The following INSRR variants were observed in gnomAD, a reference collection of about 807,000 sequenced individuals.
INSRR encodes insulin receptor related receptor, also known as insulin receptor-related protein.
Under a neutral mutation model 130.0 loss-of-function variants are expected in INSRR, and 114 were observed. The observed-to-expected ratio is 0.88, with a 90% CI of 0.75 to 1.02. The LOEUF (loss-of-function observed/expected upper bound fraction) is 1.02. INSRR is among the 50% of genes least tolerant of loss of function. The pLI, the probability that INSRR is intolerant of heterozygous loss-of-function variation, is 0.00. For missense variants in INSRR, 1,657 were observed against 1,735.2 expected, an observed-to-expected ratio of 0.95 and a Z score of 0.80; for synonymous variants, 674 against 705.2, an observed-to-expected ratio of 0.96 and a Z score of 0.70.
rs1231811630 is a variant in INSRR, at chr1:156,842,208, C to T, written c.3301G>A (p.Asp1101Asn). 2.5e-6 allele frequency: 4 copies of T among 1,614,102 alleles called. No homozygotes were observed. The highest frequency in any genetic ancestry group is 1.1e-5 in the South Asian group (1 of 91,064). ...EMIQMAGEIA[D>N]GMAYLAANKF... is the part of the protein sequence containing the mutation. ...TTGGCAGCAAGGTAGGCCATGCCGT[C>T]TGCAATCTCACCAGCCATTTGGATC... The change falls in exon 19 of 22, where the codon GAC becomes AAC. Residue 1101 changes from aspartate (D) to asparagine (N), a missense_variant. Coordinates refer to ENST00000368195, the MANE Select transcript of INSRR (RefSeq NM_014215.3).
chr1:156,844,139 G>A, intron 15 of INSRR, 36 bp downstream of exon 15: 2 of 1,489,002 alleles, frequency 1.3e-6, no homozygotes, highest in Non-Finnish European at 1.9e-6. Flanking sequence ...GGCTCAGGGA[G>A]AAAAGGGGGT....
Position 156,849,326 on chromosome 1 carries a change from C to A in INSRR, c.1364G>T (p.Arg455Leu). 1 of 1,613,876 alleles carries A rather than the reference C, an allele frequency of 6.2e-7. No individual in the cohort carries two copies. The highest frequency in any genetic ancestry group is 8.5e-7 in the Non-Finnish European group (1 of 1,180,006). ...NPRLCLEHIY[R>L]LEEVTGTRGR... ...TCGCGTGCCTGTCACCTCCTCCAGTCGGTAGATGTGTTCCAAGCAGAGGCG... is the reference window on the plus strand; with the variant it reads ...TCGCGTGCCTGTCACCTCCTCCAGTAGGTAGATGTGTTCCAAGCAGAGGCG... Residue 455 changes from arginine (R) to leucine (L), a missense_variant, in exon 6 of 22, where the codon CGA becomes CTA. Coordinates refer to ENST00000368195, the MANE Select transcript of INSRR (RefSeq NM_014215.3).
rs200179263 is a variant in INSRR at position 156,848,987 on chromosome 1, C to T, written c.1505G>A (p.Arg502His). ...NVTEADRILL[R>H]WERYEPLEAR... ...CTCCAGTGGCTCATAGCGCTCCCAG[C>T]GTAGCAGGATGCGGTCTGCCTCCGT... Residue 502 changes from arginine to histidine, a missense_variant, in exon 7 of 22, where the codon CGC becomes CAC. By Grantham distance (29) the Arg-to-His change is conservative. Coordinates refer to ENST00000368195, the MANE Select transcript of INSRR (RefSeq NM_014215.3). 5 of 1,611,594 alleles carry T rather than the reference C, an allele frequency of 3.1e-6. No individual in the cohort carries two copies. The East Asian group carries it at 1.1e-4, about 36-fold the overall frequency.
At position 156,851,986 on chromosome 1, in the gene INSRR, G is replaced by A. The variant is rs1273495339; in HGVS notation, c.843C>T (p.Ala281=). 6.2e-7 allele frequency: 1 copy of A among 1,610,968 alleles called. No individual in the cohort carries two copies. The highest frequency in any genetic ancestry group is 8.5e-7 in the Non-Finnish European group (1 of 1,177,850). ...SWRCVTAERC[A]SLHSVPGRAS... Reference sequence around the variant, plus strand: ...CACGGCCGGGCACAGAGTGCAGGCTGGCACAGCGCTCAGCTGTGACACAGC... The same window carrying A: ...CACGGCCGGGCACAGAGTGCAGGCTAGCACAGCGCTCAGCTGTGACACAGC... Residue 281 remains alanine, a synonymous_variant, in exon 3 of 22, where the codon GCC becomes GCT. Coordinates refer to ENST00000368195, the MANE Select transcript of INSRR (RefSeq NM_014215.3).
Position 156,842,523 on chromosome 1 carries a change from G to C in INSRR, c.3127-15C>G. 1 of 1,600,338 alleles carries C rather than the reference G, an allele frequency of 6.2e-7. No homozygotes were observed. The highest frequency in any genetic ancestry group is 8.6e-7 in the Non-Finnish European group (1 of 1,167,582). On this transcript the variant is annotated splice_polypyrimidine_tract_variant and intron_variant, in intron 17 of 21. Coordinates refer to ENST00000368195, the MANE Select transcript of INSRR (RefSeq NM_014215.3). ...AGGAGACGCACCTGGGACAGACAAAGGGCCTAGCAGACCCCCTAGTTCCCC... is the reference window on the plus strand; with the variant it reads ...AGGAGACGCACCTGGGACAGACAAACGGCCTAGCAGACCCCCTAGTTCCCC...
intron 10 of INSRR, 31 bp from the exon 11 acceptor site, chr1:156,845,444 C>T: frequency 6.5e-7 from 1 of 1,530,694 alleles, no homozygotes; most frequent in Non-Finnish European, 8.8e-7. Flanking sequence ...CCTATCAGGC[C>T]TGTCCGGATG....
chr1:156,858,952 G>C lies in INSRR; in HGVS notation c.-331C>G. On this transcript the variant is annotated 5_prime_UTR_variant, in exon 1 of 22. Coordinates refer to ENST00000368195, the MANE Select transcript of INSRR (RefSeq NM_014215.3). Reference sequence around the variant, plus strand: ...CAGGGTTCTGAGCAAAAGGCAGGCCGAGAGGCCAGCCAACCCTGAGGGCGG... The same window carrying C: ...CAGGGTTCTGAGCAAAAGGCAGGCCCAGAGGCCAGCCAACCCTGAGGGCGG... 3.3e-6 allele frequency: 1 copy of C among 299,388 alleles called. No individual in the cohort carries two copies. The highest frequency in any genetic ancestry group is 6.4e-6 in the Non-Finnish European group (1 of 155,084). 18.5% of individuals were successfully genotyped at this position (299,388 alleles called of 1,614,324 possible).
chr1:156,856,873 T>C (rs901665410), intron 1 of INSRR, among the ~76,000 whole-genome samples: 1 of 152,064 alleles, frequency 6.6e-6, no homozygotes, highest in Non-Finnish European at 1.5e-5. Flanking sequence ...CCCTGGACTC[T>C]CTTGCTCCCA....
intron 2 of INSRR, 141 bp from the exon 3 acceptor site, chr1:156,852,332 C>T (rs923664003): frequency 3.4e-5 from 28 of 812,804 alleles, no homozygotes; most frequent in South Asian, 1.2e-4. Flanking sequence ...CACTGGTTGC[C>T]GACTCTGTTC....
At position 156,851,158 on chromosome 1, in the gene INSRR, G is replaced by C. The variant is rs539180185; in HGVS notation, c.1229+132C>G. 118 of 930,156 alleles carry C rather than the reference G, an allele frequency of 1.3e-4. 1 individual carries two copies. The South Asian group carries it at 1.5e-3, about 12-fold the overall frequency. The allele number at this position is 930,156 out of a possible 1,614,324, so 57.6% of individuals were successfully genotyped here. Reference sequence around the variant, plus strand: ...GATGAGAAAACTGAAGACCAGAGAAGTTAACCTACTTAGAGTCACACGCCT... The same window carrying C: ...GATGAGAAAACTGAAGACCAGAGAACTTAACCTACTTAGAGTCACACGCCT... On this transcript the variant is annotated intron_variant, in intron 5 of 21. Coordinates refer to ENST00000368195, the MANE Select transcript of INSRR (RefSeq NM_014215.3).
chr1:156,855,918 CGT>C (rs57540966), intron 1 of INSRR, among the ~76,000 whole-genome samples: 22 of 149,216 alleles, frequency 1.5e-4, no homozygotes, highest in Non-Finnish European at 1.8e-4. Context: ...GACTAATGTG[CGT>C]GTGTGTGTGT....
chr1:156,844,163 A>C lies in INSRR; in HGVS notation c.2843+12T>G. 2 of 1,597,880 alleles carry C rather than the reference A, an allele frequency of 1.3e-6. No individual in the cohort carries two copies. Among genetic ancestry groups the C allele is most frequent in the Non-Finnish European group, 1.7e-6 (2 of 1,166,194 alleles). ...AGAAAAGGGGGTGGGGACCGGTGGG[A>C]CTTATCATCACCTCTTCTTGCCGTA... On this transcript the variant is annotated intron_variant, in intron 15 of 21. Transcript: ENST00000368195.
In INSRR at chr1:156,842,286, G is replaced by A. The variant is rs532005876; in HGVS notation, c.3238-15C>T. On this transcript the variant is annotated splice_polypyrimidine_tract_variant and intron_variant, in intron 18 of 21. Transcript: ENST00000368195. ...CCAGGGTTGTTCTAGAGCCAAGATT[G>A]GGGGCTGGTGAGGAAGGAACCCAGA... 5.6e-6 allele frequency: 9 copies of A among 1,613,772 alleles called. No homozygotes were observed. Among genetic ancestry groups the A allele is most frequent in the Admixed American group, 1.7e-5 (1 of 59,994 alleles).
At chr1:156,855,397 GT>G (rs1168405699) in intron 1 of INSRR, among the ~76,000 whole-genome samples, 3 of 152,106 alleles carry the variant, frequency 2.0e-5, no homozygotes, top group Non-Finnish European at 4.4e-5. Flanking sequence ...TAGAGGCAAG[GT>G]TTTACCATGG....
intron 19 of INSRR, 131 bp from the exon 20 acceptor site, chr1:156,841,925 A>G: frequency 6.4e-7 from 1 of 1,560,324 alleles, no homozygotes; most frequent in Middle Eastern, 1.7e-4. Context: ...TAGGGGCTCA[A>G]TGGACCTCAG....
intron 8 of INSRR, 116 bp from the exon 9 acceptor site, chr1:156,846,235 T>A (rs2102859556): frequency 4.5e-6 from 5 of 1,115,814 alleles, no homozygotes; most frequent in Non-Finnish European, 6.2e-6. Flanking sequence ...GAATAGGTGA[T>A]CCTCACCCCT....
Position 156,840,929 on chromosome 1 carries a change from C to A in INSRR, c.3838G>T (p.Asp1280Tyr), listed in dbSNP as rs749002200. The A allele has an allele frequency of 6.2e-7, 1 of 1,614,088 alleles. No homozygotes were observed. Among genetic ancestry groups the A allele is most frequent in the Non-Finnish European group, 8.5e-7 (1 of 1,179,982 alleles). The change falls in exon 22 of 22, where the codon GAC becomes TAC. Residue 1280 changes from aspartate to tyrosine, a missense_variant. By Grantham distance (160) the Asp-to-Tyr change is radical. Coordinates refer to ENST00000368195, the MANE Select transcript of INSRR (RefSeq NM_014215.3). ...CAGTCTCTTGGAGTGGGTGAGGAGT[C>A]AGGCTCTGCATCGGTGGTAGGCAGG... The part of the protein sequence containing the change: ...GSLPTTDAEP[D>Y]SSPTPRDCSP...
chr1:156,843,352 T>A (rs1441578143), intron 16 of INSRR, 75 bp downstream of exon 16: 2 of 1,578,072 alleles, frequency 1.3e-6, no homozygotes, highest in African/African-American at 1.3e-5. Context: ...TGCAAGAAGG[T>A]CTTCTGGAAG....
At chr1:156,842,008 G>T in intron 19 of INSRR, 104 bp downstream of exon 19, 1 of 1,581,758 alleles carries the variant, frequency 6.3e-7, no homozygotes, top group Non-Finnish European at 8.6e-7. Flanking sequence ...CTTGCCAAGG[G>T]TCTCACAGGC....
Sources: gnomAD v4.1 joint callset for allele counts (sites outside exome capture counted in the v4.1 genomes callset) on GRCh38, gnomAD v4.1.1 for gene constraint, MANE v1.5 for transcripts, NCBI Gene and HGNC (gene_info 2026-07-23, HGNC 2026-07-21) for gene names.